Variants in PALS2 observed in about 807,000 individuals in gnomAD.
PALS2 encodes protein PALS2.
Under a neutral mutation model 61.6 loss-of-function variants are expected in PALS2, and 27 were observed. The ratio of observed to expected loss-of-function variants is 0.44; its 90% CI spans 0.32 to 0.60. The LOEUF is 0.60. Ranked by LOEUF, PALS2 falls within the 20% of genes least tolerant of loss-of-function variation. The pLI is 0.05. For missense variants in PALS2, 554 were observed against 639.4 expected (o/e 0.87, Z 1.44); for synonymous variants, 236 against 218.6 (o/e 1.08, Z -0.70).
At chr7:24,636,694 T>C (rs1027299032) in intron 2 of PALS2, among the ~76,000 whole-genome samples, 26 of 152,204 alleles carry the variant, frequency 1.7e-4, no homozygotes, top group Admixed American at 9.2e-4. Flanking sequence ...TTTTTAAAGA[T>C]AGGTTCCTAA....
rs901327874 is a variant in PALS2, at chr7:24,607,580, TATATATAC to T, written c.-2-16079_-2-16072del. Among the ~76,000 whole-genome samples, 15 of 120,678 alleles carry T rather than the reference TATATATAC, an allele frequency of 1.2e-4. No homozygotes were observed. In the East Asian group the frequency reaches 3.4e-3, roughly 27 times the overall value. 79.2% of individuals were successfully genotyped at this position (120,678 alleles called of 152,430 possible). On this transcript the variant is annotated intron_variant, in intron 1 of 11. Transcript: ENST00000222644. ...ATGTGTATATATACATATATGTGTGTATATATACATATATGTGTGTGTATATATACATA... is the reference window on the plus strand; with the variant it reads ...ATGTGTATATATACATATATGTGTGTATATATGTGTGTGTATATATACATA...
Position 24,638,550 on chromosome 7 carries a change from C to G in PALS2, c.118-3166C>G, listed in dbSNP as rs1219014148. Among the ~76,000 whole-genome samples the G allele has an allele frequency of 1.9e-5, 2 of 104,678 alleles. 1 individual carries two copies. Among genetic ancestry groups the G allele is most frequent in the South Asian group, 6.6e-4 (2 of 3,016 alleles). 68.7% of individuals were successfully genotyped at this position (104,678 alleles called of 152,430 possible). A position where few individuals can be genotyped will look rare whatever the true frequency, so the allele number is the denominator to read the frequency against. ...GTTTCACCGTTTTAGCCGGGATGGT[C>G]TCGATCTCCTGACCTCGTGATCCGC... On this transcript the variant is annotated intron_variant, in intron 2 of 11. Transcript: ENST00000222644.
chr7:24,644,546 T>C (rs1400638065), intron 3 of PALS2, among the ~76,000 whole-genome samples: 2 of 152,074 alleles, frequency 1.3e-5, no homozygotes, highest in Non-Finnish European at 2.9e-5. Context: ...ATCCAATCTA[T>C]CATTGACAGG....
At chr7:24,623,879 T>C (rs1223174448) in intron 2 of PALS2, 95 bp downstream of exon 2, 2 of 1,058,290 alleles carry the variant, frequency 1.9e-6, no homozygotes, top group African/African-American at 1.6e-5. Flanking sequence ...TTGGTTGATA[T>C]ACATTAGGTT....
intron 2 of PALS2, among the ~76,000 whole-genome samples, chr7:24,632,654 T>C (rs1785049362): frequency 6.6e-6 from 1 of 152,206 alleles, no homozygotes; most frequent in South Asian, 2.1e-4. Context: ...CCCAAAATGC[T>C]AGGATTACAG....
intron 1 of PALS2, among the ~76,000 whole-genome samples, chr7:24,584,982 G>T (rs1023172909): frequency 6.6e-6 from 1 of 151,486 alleles, no homozygotes; most frequent in Non-Finnish European, 1.5e-5. Context: ...TAGATATGTG[G>T]CATTATTTCT....
intron 1 of PALS2, among the ~76,000 whole-genome samples, chr7:24,587,420 C>A (rs1462164654): frequency 6.6e-6 from 1 of 152,044 alleles, no homozygotes; most frequent in African/African-American, 2.4e-5. Flanking sequence ...CCCTCTGTCA[C>A]CCAGTCGAGT....
intron 9 of PALS2, chr7:24,674,355 C>A (rs963804106): frequency 3.3e-5 from 5 of 153,288 alleles, no homozygotes; most frequent in African/African-American, 1.2e-4. Flanking sequence ...TTCAGCCCAT[C>A]CATGTTAGCT....
In PALS2 at chr7:24,691,073, T is replaced by C. The variant is rs575349907; in HGVS notation, c.*3459T>C. 5.9e-5 allele frequency: 9 copies of C among 152,254 alleles called. No homozygotes were observed. Among genetic ancestry groups the C allele is most frequent in the African/African-American group, 1.7e-4 (7 of 41,578 alleles). The allele number at this position is 152,254 out of a possible 1,614,324, so 9.4% of individuals were successfully genotyped here. A position where few individuals can be genotyped will look rare whatever the true frequency, so the allele number is the denominator to read the frequency against. Reference sequence around the variant, plus strand: ...TTTAAAAATTATTAAATGGTACTTATTTTTATGTATAACAAGTGTCATGAT... The same window carrying C: ...TTTAAAAATTATTAAATGGTACTTACTTTTATGTATAACAAGTGTCATGAT... On this transcript the variant is annotated 3_prime_UTR_variant, in exon 12 of 12. Coordinates refer to ENST00000222644, the MANE Select transcript of PALS2 (RefSeq NM_001303037.2).
At chr7:24,660,592 A>G (rs1301469512) in intron 5 of PALS2, among the ~76,000 whole-genome samples, 1 of 152,128 alleles carries the variant, frequency 6.6e-6, no homozygotes, top group African/African-American at 2.4e-5. Context: ...GTGCCACATC[A>G]TGTAGACCTA....
chr7:24,639,460 A>G (rs1442946218), intron 2 of PALS2, among the ~76,000 whole-genome samples: 1 of 151,884 alleles, frequency 6.6e-6, no homozygotes, highest in Non-Finnish European at 1.5e-5. Flanking sequence ...TCCAACGCAG[A>G]AAAAAAAGCC....
Position 24,680,424 on chromosome 7 carries a change from G to A in PALS2, c.1350G>A (p.Met450Ile). 1 of 1,613,362 alleles carries A rather than the reference G, an allele frequency of 6.2e-7. No individual in the cohort carries two copies. The highest frequency in any genetic ancestry group is 1.1e-5 in the South Asian group (1 of 91,060). ...AAGTATTGAGGACATCAGAGTTTAT[G>A]CCCTATGTGGTATTTATTGCGGCTC... ...ALKVLRTSEF[M>I]PYVVFIAAPE... Residue 450 changes from methionine to isoleucine, a missense_variant, in exon 11 of 12, where the codon ATG becomes ATA. Coordinates refer to ENST00000222644, the MANE Select transcript of PALS2 (RefSeq NM_001303037.2).
At chr7:24,645,840 G>C (rs912274080) in intron 3 of PALS2, among the ~76,000 whole-genome samples, 4 of 152,046 alleles carry the variant, frequency 2.6e-5, no homozygotes, top group African/African-American at 9.7e-5. Flanking sequence ...CACCTCCCTG[G>C]TTAGCTATGT....
chr7:24,655,259 T>C (rs1786355245), intron 5 of PALS2, among the ~76,000 whole-genome samples: 1 of 152,204 alleles, frequency 6.6e-6, no homozygotes. Context: ...TGGAAACATG[T>C]TAATAAGCAT....
intron 6 of PALS2, among the ~76,000 whole-genome samples, 180 bp from the exon 7 acceptor site, chr7:24,665,408 A>T (rs150746387): frequency 6.6e-6 from 1 of 152,180 alleles, no homozygotes; most frequent in African/African-American, 2.4e-5. Context: ...TTAGGTGCCA[A>T]TTGATTCTTC....
intron 1 of PALS2, among the ~76,000 whole-genome samples, chr7:24,592,897 G>A (rs1315976072): frequency 6.6e-6 from 1 of 152,022 alleles, no homozygotes; most frequent in Non-Finnish European, 1.5e-5. Flanking sequence ...TCAGGGTGGT[G>A]GTTGTTGAAG....
At chr7:24,675,155 C>G (rs1406625068) in intron 9 of PALS2, among the ~76,000 whole-genome samples, 1 of 152,056 alleles carries the variant, frequency 6.6e-6, no homozygotes, top group Non-Finnish European at 1.5e-5. Context: ...GAACATTTCT[C>G]TAAGAATTAA....
intron 1 of PALS2, among the ~76,000 whole-genome samples, chr7:24,607,351 A>G (rs560402705): frequency 6.6e-6 from 1 of 152,204 alleles, no homozygotes; most frequent in African/African-American, 2.4e-5. Flanking sequence ...TGTCATTGCT[A>G]CAACCTGTTT....
intron 1 of PALS2, among the ~76,000 whole-genome samples, chr7:24,595,252 A>G (rs1460717335): frequency 2.0e-5 from 3 of 151,364 alleles, no homozygotes; most frequent in South Asian, 2.1e-4. Flanking sequence ...TACGGGAGGA[A>G]GACCAGATTT....
Sources: allele counts gnomAD v4.1 joint callset (sites outside exome capture counted in the v4.1 genomes callset), GRCh38; gene constraint gnomAD v4.1.1; transcripts MANE v1.5; gene names NCBI Gene and HGNC (gene_info 2026-07-23, HGNC 2026-07-21).